SPATS2L: variants seen among roughly 807,000 people sequenced by gnomAD.
SPATS2L encodes the protein SPATS2-like protein.
Under a neutral mutation model 59.6 loss-of-function variants are expected in SPATS2L, and 30 were observed. The ratio of observed to expected loss-of-function variants is 0.50; its 90% confidence interval spans 0.38 to 0.68. SPATS2L has a LOEUF of 0.68. SPATS2L is among the 30% of genes least tolerant of loss of function. SPATS2L has a pLI of 0.00. For synonymous variants in SPATS2L, 252 were observed against 263.5 expected, an observed-to-expected ratio of 0.96 and a Z score of 0.42; for missense variants, 615 against 700.0, an observed-to-expected ratio of 0.88 and a Z score of 1.37.
At chr2:200,444,762 T>C (rs1326915351) in intron 8 of SPATS2L, among the ~76,000 whole-genome samples, 2 of 152,144 alleles carry the variant, frequency 1.3e-5, no homozygotes, top group Non-Finnish European at 2.9e-5. Flanking sequence ...CCAATTTTCC[T>C]GCGTCTTAGA....
At chr2:200,468,671 T>G (rs1213580891) in intron 10 of SPATS2L, among the ~76,000 whole-genome samples, 1 of 152,102 alleles carries the variant, frequency 6.6e-6, no homozygotes, top group African/African-American at 2.4e-5. Context: ...TCCACACTAG[T>G]CTCTCTGCCT....
intron 2 of SPATS2L, among the ~76,000 whole-genome samples, chr2:200,337,427 T>A (rs2080178074): frequency 6.6e-6 from 1 of 152,218 alleles, no homozygotes; most frequent in Non-Finnish European, 1.5e-5. Context: ...GGTAGCTTTG[T>A]TCTCCTAACC....
chr2:200,363,536 T>TA (rs1333587252), intron 2 of SPATS2L, among the ~76,000 whole-genome samples: 1 of 152,186 alleles, frequency 6.6e-6, no homozygotes, highest in Non-Finnish European at 1.5e-5. Context: ...AGAAAAGTAA[T>TA]AAAAACCATG....
chr2:200,476,877 G>C (rs1332114586), intron 12 of SPATS2L, among the ~76,000 whole-genome samples: 1 of 152,226 alleles, frequency 6.6e-6, no homozygotes, highest in Non-Finnish European at 1.5e-5. Context: ...TAAACGCGGG[G>C]GATTTTATTG....
intron 6 of SPATS2L, among the ~76,000 whole-genome samples, chr2:200,437,857 TCTGA>T (rs1462348616): frequency 6.6e-6 from 1 of 152,202 alleles, no homozygotes; most frequent in South Asian, 2.1e-4. Context: ...AAGTGTAGTC[TCTGA>T]CTGTGTCAGG....
chr2:200,398,851 G>T (rs953692550), intron 3 of SPATS2L, among the ~76,000 whole-genome samples: 2 of 151,674 alleles, frequency 1.3e-5, no homozygotes, highest in African/African-American at 4.8e-5. Flanking sequence ...AACTTAGCAC[G>T]TAACCTCTCA....
At chr2:200,356,986 C>A (rs1215535280) in intron 2 of SPATS2L, among the ~76,000 whole-genome samples, 1 of 152,164 alleles carries the variant, frequency 6.6e-6, no homozygotes, top group Non-Finnish European at 1.5e-5. Context: ...TCACTCCCCC[C>A]AGCACTGCTG....
chr2:200,461,375 T>C (rs2086229517), intron 9 of SPATS2L: 1 of 152,220 alleles, frequency 6.6e-6, no homozygotes, highest in Admixed American at 6.5e-5. Context: ...TGCTGATTTC[T>C]AAACCTTTCC....
chr2:200,337,998 G>T (rs577236045), intron 2 of SPATS2L, among the ~76,000 whole-genome samples: 2 of 152,136 alleles, frequency 1.3e-5, no homozygotes, highest in Admixed American at 1.3e-4. Context: ...TTAATTTATT[G>T]AACCAGATAT....
At chr2:200,441,968 A>G (rs2084730424) in intron 8 of SPATS2L, among the ~76,000 whole-genome samples, 1 of 152,160 alleles carries the variant, frequency 6.6e-6, no homozygotes, top group African/African-American at 2.4e-5. Flanking sequence ...ATTTTAAACC[A>G]TCTGCTATGT....
At chr2:200,472,195 G>A (rs1346967382) in intron 11 of SPATS2L, among the ~76,000 whole-genome samples, 1 of 152,206 alleles carries the variant, frequency 6.6e-6, no homozygotes, top group Admixed American at 6.5e-5. Flanking sequence ...AGAAAACGGG[G>A]CTGATTAAAG....
intron 3 of SPATS2L, chr2:200,389,957 T>C (rs908658414): frequency 1.3e-5 from 2 of 152,192 alleles, no homozygotes; most frequent in Admixed American, 6.5e-5. Flanking sequence ...CCATAGACCA[T>C]GAAGATAAAT....
chr2:200,352,521 T>G (rs1317022816), intron 2 of SPATS2L, among the ~76,000 whole-genome samples: 1 of 151,878 alleles, frequency 6.6e-6, no homozygotes, highest in Admixed American at 6.6e-5. Flanking sequence ...TGCTGCTTTT[T>G]TTTTCCTTTT....
Position 200,447,631 on chromosome 2 carries a change from A to G in SPATS2L, c.788+6847A>G, listed in dbSNP as rs144257366. 3.9e-5 allele frequency among the ~76,000 whole-genome samples: 6 copies of G among 152,320 alleles called. No individual in the cohort carries two copies. In the East Asian group the frequency reaches 1.2e-3, roughly 29 times the overall value. ...AACATGAGGAATGAGTCAAGATTCC[A>G]TTGTTAAAGCAACGTGGCTGAAATT... On this transcript the variant is annotated intron_variant, in intron 8 of 12. Transcript: ENST00000409140.
chr2:200,370,066 G>T (rs2081382005), intron 2 of SPATS2L, among the ~76,000 whole-genome samples: 1 of 152,192 alleles, frequency 6.6e-6, no homozygotes, highest in African/African-American at 2.4e-5. Context: ...ACCTGGCCGG[G>T]ATTGCATCAC....
chr2:200,367,241 T>C (rs1314339776), intron 2 of SPATS2L, among the ~76,000 whole-genome samples: 1 of 152,170 alleles, frequency 6.6e-6, no homozygotes, highest in African/African-American at 2.4e-5. Flanking sequence ...TAACATTAAG[T>C]TGGGTTTTTT....
Position 200,306,823 on chromosome 2 carries a change from G to A in SPATS2L, c.-172G>A, listed in dbSNP as rs1329906240. 2 of 980,736 alleles carry A rather than the reference G, an allele frequency of 2.0e-6. No homozygotes were observed. Among genetic ancestry groups the A allele is most frequent in the Non-Finnish European group, 2.4e-6 (2 of 828,136 alleles). 60.8% of individuals were successfully genotyped at this position (980,736 alleles called of 1,614,324 possible). ...GCGGCTCCCGCTCGGCCCGCCCTCC[G>A]AGCCGCAGGGGCCGCCACCGCCGCG... On this transcript the variant is annotated 5_prime_UTR_variant, in exon 1 of 13. Transcript: ENST00000409140.
chr2:200,332,987 AAGACAGATATGGCCTGGGTTTGTT>A (rs1461305541), intron 2 of SPATS2L, among the ~76,000 whole-genome samples: 1 of 152,164 alleles, frequency 6.6e-6, no homozygotes, highest in East Asian at 1.9e-4. Context: ...ATGATGTTGA[AAGACAGATATGGCCTGGGTTTGTT>A]AGCTCATGCC....
chr2:200,341,301 T>C (rs1196593475), intron 2 of SPATS2L, among the ~76,000 whole-genome samples: 3 of 152,188 alleles, frequency 2.0e-5, no homozygotes, highest in African/African-American at 7.2e-5. Context: ...CCTATGTTCT[T>C]AACCACTGAA....
Sources: gnomAD v4.1 joint callset for allele counts (sites outside exome capture counted in the v4.1 genomes callset) on GRCh38, gnomAD v4.1.1 for gene constraint, MANE v1.5 for transcripts, NCBI Gene and HGNC (gene_info 2026-07-23, HGNC 2026-07-21) for gene names.